The following COL11A1 variants were observed in gnomAD, a reference collection of about 807,000 sequenced individuals.
COL11A1 encodes collagen alpha-1(XI) chain.
COL11A1 carries 74 observed loss-of-function variants against 265.2 expected under a neutral mutation model. That is an observed-to-expected ratio of 0.28 (90% CI 0.23 to 0.34). COL11A1 has a LOEUF of 0.34. Ranked by LOEUF, COL11A1 falls within the 10% of genes least tolerant of loss-of-function variation. The pLI is 1.00. For missense variants in COL11A1, 2,165 were observed against 2,263.6 expected, an observed-to-expected ratio of 0.96 and a Z score of 0.88; for synonymous variants, 816 against 727.6, an observed-to-expected ratio of 1.12 and a Z score of -1.96.
chr1:102,939,010 T>G (rs747861492), intron 44 of COL11A1, 25 bp downstream of exon 44: 4 of 1,604,624 alleles, frequency 2.5e-6, no homozygotes, highest in Non-Finnish European at 2.6e-6. Flanking sequence ...AATAATGTTC[T>G]CTCAGTAAGA....
At chr1:103,014,699 T>G in intron 12 of COL11A1, 105 bp from the exon 13 acceptor site, 1 of 861,004 alleles carries the variant, frequency 1.2e-6, no homozygotes, top group East Asian at 2.6e-5. Flanking sequence ...TGGTGGGATT[T>G]TACAAAATTA....
chr1:103,019,810 T>C lies in COL11A1; in HGVS notation c.1309-951A>G, dbSNP rs948900589. Among the ~76,000 whole-genome samples the C allele has an allele frequency of 2.2e-4, 32 of 146,642 alleles. 1 individual carries two copies. The highest frequency in any genetic ancestry group is 1.0e-4 in the Non-Finnish European group (7 of 66,954). On this transcript the variant is annotated intron_variant, in intron 9 of 66. Coordinates refer to ENST00000370096, the MANE Select transcript of COL11A1 (RefSeq NM_001854.4). ...GTGTCCATGTGATCTCATTGTTCAA[T>C]TCCCACCTATGAGTGAGAATACGCA...
chr1:102,884,467 A>G (rs1242439583), intron 63 of COL11A1: 1 of 152,178 alleles, frequency 6.6e-6, no homozygotes, highest in Middle Eastern at 3.1e-3. Flanking sequence ...TCCTCATAGA[A>G]AACACCTGAA....
intron 35 of COL11A1, 43 bp from the exon 36 acceptor site, chr1:102,974,926 A>G: frequency 7.1e-7 from 1 of 1,401,660 alleles, no homozygotes; most frequent in African/African-American, 1.4e-5. Flanking sequence ...AATATGCCTT[A>G]GAAGATGCAT....
At chr1:102,913,582 T>C in intron 53 of COL11A1, 55 bp downstream of exon 53, 1 of 1,475,698 alleles carries the variant, frequency 6.8e-7, no homozygotes, top group Non-Finnish European at 9.5e-7. Flanking sequence ...ATTATCTCAT[T>C]AAAATGCCTT....
At chr1:102,920,479 C>A in intron 48 of COL11A1, 115 bp from the exon 49 acceptor site, 1 of 873,516 alleles carries the variant, frequency 1.1e-6, no homozygotes, top group Non-Finnish European at 1.9e-6. Flanking sequence ...TATTCTTAGT[C>A]ATTTAAAGAA....
intron 39 of COL11A1, 144 bp from the exon 40 acceptor site, chr1:102,962,409 T>C (rs781249679): frequency 1.3e-6 from 1 of 771,754 alleles, no homozygotes; most frequent in African/African-American, 1.7e-5. Context: ...GCCATATGCA[T>C]TAAAATGAAC....
At chr1:102,971,908 C>T (rs986891711) in intron 36 of COL11A1, among the ~76,000 whole-genome samples, 3 of 152,162 alleles carry the variant, frequency 2.0e-5, no homozygotes, top group African/African-American at 7.2e-5. Context: ...GGACCCAAAA[C>T]ATTCTTGGAT....
chr1:102,885,005 A>G (rs1650785626), intron 63 of COL11A1, among the ~76,000 whole-genome samples: 1 of 152,192 alleles, frequency 6.6e-6, no homozygotes, highest in African/African-American at 2.4e-5. Context: ...CGTACCTGGG[A>G]GGATGGAATA....
chr1:102,988,558 G>A (rs2101744351), intron 29 of COL11A1, among the ~76,000 whole-genome samples: 1 of 152,190 alleles, frequency 6.6e-6, no homozygotes, highest in South Asian at 2.1e-4. Flanking sequence ...GAAAGTCAGA[G>A]TTTTCAACTT....
chr1:102,954,045 C>T (rs910546878), intron 41 of COL11A1, among the ~76,000 whole-genome samples: 7 of 152,058 alleles, frequency 4.6e-5, no homozygotes, highest in African/African-American at 1.7e-4. Flanking sequence ...TCTGTTATTT[C>T]GGTACTAAAT....
At chr1:102,905,138 C>T (rs1452998134) in intron 54 of COL11A1, among the ~76,000 whole-genome samples, 1 of 147,994 alleles carries the variant, frequency 6.8e-6, no homozygotes, top group African/African-American at 2.5e-5. Context: ...AAACCAAACA[C>T]CGCATGTTCT....
At chr1:103,107,393 T>G (rs1571300805) in intron 1 of COL11A1, among the ~76,000 whole-genome samples, 1 of 150,450 alleles carries the variant, frequency 6.6e-6, no homozygotes, top group African/African-American at 2.5e-5. Context: ...AGGGGTGGGG[T>G]GGGGGGAGTC....
intron 42 of COL11A1, among the ~76,000 whole-genome samples, chr1:102,945,677 C>A (rs1360542081): frequency 6.6e-6 from 1 of 151,914 alleles, no homozygotes; most frequent in Admixed American, 6.6e-5. Flanking sequence ...TTTACTGAAA[C>A]AGTTTGTGTT....
intron 29 of COL11A1, 30 bp downstream of exon 29, chr1:102,989,488 T>A: frequency 6.9e-7 from 1 of 1,455,118 alleles, no homozygotes; most frequent in Non-Finnish European, 9.5e-7. Context: ...TTAAATTTTG[T>A]GTACTGGTGT....
At chr1:102,893,147 T>G (rs74108040) in intron 57 of COL11A1, among the ~76,000 whole-genome samples, 3,447 of 152,236 alleles carry the variant, frequency 0.023, 131 homozygotes, top group African/African-American at 0.079. Context: ...ATGCTACAGA[T>G]AAATACCTGT....
At chr1:103,059,351 G>A (rs1670483428) in intron 4 of COL11A1, among the ~76,000 whole-genome samples, 4 of 151,834 alleles carry the variant, frequency 2.6e-5, no homozygotes, top group Admixed American at 1.3e-4. Context: ...CAAAATCTGA[G>A]ACCTAATCAT....
intron 41 of COL11A1, among the ~76,000 whole-genome samples, chr1:102,955,970 C>T (rs78435464): frequency 6.6e-6 from 1 of 152,104 alleles, no homozygotes; most frequent in African/African-American, 2.4e-5. Flanking sequence ...TACAACATCA[C>T]GTATACAGGG....
At chr1:102,906,708 C>A (rs539984935) in intron 54 of COL11A1, among the ~76,000 whole-genome samples, 14 of 149,932 alleles carry the variant, frequency 9.3e-5, no homozygotes, top group Admixed American at 8.0e-4. Flanking sequence ...CCTGTGTTTC[C>A]ATTTTTTTTT....
Sources: allele counts gnomAD v4.1 joint callset (sites outside exome capture counted in the v4.1 genomes callset), GRCh38; gene constraint gnomAD v4.1.1; transcripts MANE v1.5; gene names NCBI Gene and HGNC (gene_info 2026-07-23, HGNC 2026-07-21).